The following NPAS3 variants were observed in gnomAD, a reference collection of about 807,000 sequenced individuals.
NPAS3 encodes neuronal PAS domain protein 3.
A neutral mutation model predicts 73.1 loss-of-function variants in NPAS3; 14 were observed. That is an observed-to-expected ratio of 0.19 (90% CI 0.13 to 0.30). NPAS3 has a LOEUF of 0.30. NPAS3 is among the 10% of genes least tolerant of loss of function. NPAS3 has a pLI of 1.00. For synonymous variants in NPAS3, 620 were observed against 541.5 expected (o/e 1.14, Z -2.01); for missense variants, 1,096 against 1,250.0 (o/e 0.88, Z 1.86).
At chr14:33,160,005 A>T (rs1190947443) in intron 2 of NPAS3, among the ~76,000 whole-genome samples, 4 of 152,122 alleles carry the variant, frequency 2.6e-5, no homozygotes, top group Non-Finnish European at 5.9e-5. Context: ...AAATTTTTTA[A>T]AAATGAAATT....
intron 7 of NPAS3, among the ~76,000 whole-genome samples, chr14:33,752,980 T>C (rs2062008094): frequency 6.6e-6 from 1 of 152,108 alleles, no homozygotes; most frequent in African/African-American, 2.4e-5. Context: ...AAAAGGAAAA[T>C]CATTGATGCC....
At chr14:33,225,575 C>A (rs2047599642) in intron 3 of NPAS3, among the ~76,000 whole-genome samples, 1 of 152,212 alleles carries the variant, frequency 6.6e-6, no homozygotes, top group Non-Finnish European at 1.5e-5. Context: ...GCTATATAGA[C>A]AAGCTGTAAT....
intron 3 of NPAS3, among the ~76,000 whole-genome samples, chr14:33,217,740 T>G (rs1180992966): frequency 6.6e-6 from 1 of 152,182 alleles, no homozygotes; most frequent in East Asian, 1.9e-4. Flanking sequence ...TCATGGCCTT[T>G]TAGGCATGCG....
chr14:33,079,547 AC>A (rs2041791768), intron 2 of NPAS3, among the ~76,000 whole-genome samples: 2 of 141,162 alleles, frequency 1.4e-5, no homozygotes, highest in African/African-American at 5.3e-5. Flanking sequence ...TGAACTCCTA[AC>A]CTCCAGTAAT....
intron 4 of NPAS3, among the ~76,000 whole-genome samples, chr14:33,467,879 A>G (rs1025817939): frequency 1.3e-5 from 2 of 152,190 alleles, no homozygotes; most frequent in Non-Finnish European, 2.9e-5. Context: ...GGTGTGATAA[A>G]TCATCATGCT....
At chr14:33,408,398 T>C (rs1304923952) in intron 4 of NPAS3, among the ~76,000 whole-genome samples, 1 of 152,106 alleles carries the variant, frequency 6.6e-6, no homozygotes, top group East Asian at 1.9e-4. Context: ...ACATTTGTTC[T>C]CTCTCATGCC....
At chr14:32,986,941 C>T (rs1034875910) in intron 1 of NPAS3, among the ~76,000 whole-genome samples, 1 of 152,074 alleles carries the variant, frequency 6.6e-6, no homozygotes, top group African/African-American at 2.4e-5. Flanking sequence ...GGCGCTGCCC[C>T]GCGGTGCTGA....
chr14:33,552,816 T>A (rs75976765), intron 4 of NPAS3, among the ~76,000 whole-genome samples: 4,586 of 152,224 alleles, frequency 0.03, 237 homozygotes, highest in African/African-American at 0.1. Flanking sequence ...TCTGCCAAGG[T>A]GGGAATTCCT....
At chr14:33,412,502 C>T (rs963382462) in intron 4 of NPAS3, among the ~76,000 whole-genome samples, 2 of 152,146 alleles carry the variant, frequency 1.3e-5, no homozygotes, top group Non-Finnish European at 2.9e-5. Context: ...CTGCAATATT[C>T]CCTTTGACCC....
intron 6 of NPAS3, among the ~76,000 whole-genome samples, chr14:33,733,182 GTC>G (rs1213649202): frequency 6.6e-6 from 1 of 152,070 alleles, no homozygotes; most frequent in African/African-American, 2.4e-5. Context: ...GTTAGTTCAA[GTC>G]TCTGAGGACC....
intron 5 of NPAS3, among the ~76,000 whole-genome samples, chr14:33,669,437 G>A (rs988207968): frequency 1.3e-5 from 2 of 152,126 alleles, no homozygotes; most frequent in African/African-American, 4.8e-5. Flanking sequence ...TCAGTATTAA[G>A]GCATTCTCTA....
At chr14:33,370,537 A>T (rs140513439) in intron 4 of NPAS3, among the ~76,000 whole-genome samples, 7 of 152,288 alleles carry the variant, frequency 4.6e-5, no homozygotes, top group African/African-American at 1.7e-4. Flanking sequence ...TTGATTCTCC[A>T]TGAAGAGTCC....
chr14:33,256,903 A>G (rs1454325468), intron 3 of NPAS3, among the ~76,000 whole-genome samples: 1 of 152,202 alleles, frequency 6.6e-6, no homozygotes, highest in East Asian at 1.9e-4. Context: ...TTGAGACATC[A>G]TCCCCATTTT....
In NPAS3 at chr14:33,800,511, C is replaced by A; in HGVS notation, c.2204C>A (p.Ala735Asp). Residue 735 changes from alanine to aspartate, a missense_variant, in exon 12 of 12, where the codon GCC (alanine) becomes GAC (aspartate). By Grantham distance (126) the Ala-to-Asp change is moderately radical (BLOSUM62 -2). Transcript: ENST00000356141. The surrounding 1 kb of genome is among the most constrained non-coding windows in gnomAD (Gnocchi z 6.5). ...CGCAAGACTCAGTTCGGCGCCTCGG[C>A]CACCGCGGCCCTGGCCCCCGTCGCC... 7.1e-7 allele frequency: 1 copy of A among 1,416,374 alleles called. No homozygotes were observed. 87.7% of individuals were successfully genotyped at this position (1,416,374 alleles called of 1,614,324 possible). A position where few individuals can be genotyped will look rare whatever the true frequency, so the allele number is the denominator to read the frequency against.
intron 3 of NPAS3, among the ~76,000 whole-genome samples, chr14:33,269,658 C>T (rs2040979047): frequency 1.3e-5 from 2 of 152,092 alleles, no homozygotes; most frequent in African/African-American, 4.8e-5. Context: ...TGAATTAAGA[C>T]AAAGAGGTTC....
rs114361549 is a variant in NPAS3 at position 33,341,945 on chromosome 14, T to C, written c.386-25241T>C. On this transcript the variant is annotated intron_variant, in intron 3 of 11. Transcript: ENST00000356141. ...TTGAAGTCCTTTTTTAAAATTTCAG[T>C]CGTCGTTTCTGGTTTGTTACTGTCT... Among the ~76,000 whole-genome samples, 910 of 152,308 alleles carry C rather than the reference T, an allele frequency of 6.0e-3. 14 individuals carry two copies. The highest frequency in any genetic ancestry group is 0.021 in the African/African-American group (865 of 41,564).
At chr14:33,240,651 T>G (rs112821783) in intron 3 of NPAS3, among the ~76,000 whole-genome samples, 412 of 152,066 alleles carry the variant, frequency 2.7e-3, no homozygotes, top group African/African-American at 9.6e-3. Context: ...ATGCTCTGCT[T>G]TTTCCTCTCT....
intron 3 of NPAS3, among the ~76,000 whole-genome samples, chr14:33,242,047 C>T (rs545338709): frequency 3.3e-5 from 5 of 152,046 alleles, no homozygotes; most frequent in African/African-American, 7.2e-5. Flanking sequence ...AGAAGTCTCC[C>T]TTATAAAAAT....
intron 2 of NPAS3, among the ~76,000 whole-genome samples, chr14:33,134,642 T>C (rs539913474): frequency 6.6e-6 from 1 of 152,246 alleles, no homozygotes; most frequent in South Asian, 2.1e-4. Flanking sequence ...CATAGGTGGC[T>C]TCATGTAAGA....
Sources: allele counts gnomAD v4.1 joint callset (sites outside exome capture counted in the v4.1 genomes callset), GRCh38; gene constraint gnomAD v4.1.1; non-coding constraint Gnocchi (gnomAD v3.1); transcripts MANE v1.5; gene names NCBI Gene and HGNC (gene_info 2026-07-23, HGNC 2026-07-21).